Variants in ARHGAP18 observed in about 807,000 individuals in gnomAD.
ARHGAP18 encodes the protein Rho GTPase activating protein 18.
A neutral mutation model predicts 86.2 loss-of-function variants in ARHGAP18; 67 were observed. That is an observed-to-expected ratio of 0.78 (90% CI 0.64 to 0.95). ARHGAP18 has a LOEUF of 0.95. Among genes scored for constraint, ARHGAP18 ranks in the 40% least tolerant of loss-of-function variants. The pLI is 0.00. For missense variants in ARHGAP18, 691 were observed against 780.4 expected, an observed-to-expected ratio of 0.89 and a Z score of 1.37; for synonymous variants, 283 against 280.4, an observed-to-expected ratio of 1.01 and a Z score of -0.09.
At chr6:129,578,743 T>C (rs1268570952) in intron 14 of ARHGAP18, 139 bp from the exon 15 acceptor site, 2 of 579,528 alleles carry the variant, frequency 3.5e-6, no homozygotes, top group Non-Finnish European at 2.9e-6. Flanking sequence ...GTGGGCAGAT[T>C]GGTTGAGATC....
chr6:129,666,349 A>G (rs1246335665), intron 1 of ARHGAP18, among the ~76,000 whole-genome samples: 3 of 152,244 alleles, frequency 2.0e-5, no homozygotes, highest in African/African-American at 7.2e-5. Flanking sequence ...TAGCCACACC[A>G]CTAATGCAAT....
chr6:129,582,750 G>C (rs1788314575), intron 13 of ARHGAP18, among the ~76,000 whole-genome samples: 1 of 152,210 alleles, frequency 6.6e-6, no homozygotes. Flanking sequence ...ACTACCTTTG[G>C]AGGGAAACCA....
At chr6:129,661,409 A>G (rs992256047) in intron 1 of ARHGAP18, among the ~76,000 whole-genome samples, 2 of 151,500 alleles carry the variant, frequency 1.3e-5, no homozygotes, top group African/African-American at 4.8e-5. Flanking sequence ...ATATAAAAAT[A>G]TTAACAGTGG....
chr6:129,620,835 T>A (rs374420545), intron 5 of ARHGAP18, among the ~76,000 whole-genome samples: 13 of 152,350 alleles, frequency 8.5e-5, no homozygotes, highest in East Asian at 3.9e-4. Flanking sequence ...ACTATTTTAA[T>A]AATTAGTAAT....
chr6:129,627,207 T>C (rs1204033560), intron 5 of ARHGAP18, among the ~76,000 whole-genome samples: 1 of 152,218 alleles, frequency 6.6e-6, no homozygotes, highest in Middle Eastern at 3.4e-3. Context: ...GTGAAAACTG[T>C]TAATAAGTCA....
In ARHGAP18 at chr6:129,707,929, CAGCCAA is replaced by C. The variant is rs143336135; in HGVS notation, c.113+2089_113+2094del. On this transcript the variant is annotated intron_variant, in intron 1 of 14. Coordinates refer to ENST00000368149, the MANE Select transcript of ARHGAP18 (RefSeq NM_033515.3). ...GGCTTAAAACAACACCTGACCAACC[CAGCCAA>C]AGCCAAAGCCAAAGTCCAGTTCACC... 4.8e-3 allele frequency among the ~76,000 whole-genome samples: 723 copies of C among 152,146 alleles called. 4 individuals carry two copies. The highest frequency in any genetic ancestry group is 0.015 in the African/African-American group (635 of 41,508).
intron 1 of ARHGAP18, among the ~76,000 whole-genome samples, chr6:129,671,893 C>G (rs1200381145): frequency 6.6e-6 from 1 of 152,100 alleles, no homozygotes; most frequent in African/African-American, 2.4e-5. Flanking sequence ...GATGGGACAA[C>G]ATAAAACACC....
Position 129,605,898 on chromosome 6 carries a change from A to T in ARHGAP18, c.1344T>A (p.Asp448Glu), listed in dbSNP as rs755138072. 9.3e-6 allele frequency: 15 copies of T among 1,613,536 alleles called. No homozygotes were observed. The highest frequency in any genetic ancestry group is 1.2e-5 in the Non-Finnish European group (14 of 1,179,554). Residue 448 changes from aspartate (D) to glutamate (E), a missense_variant, in exon 10 of 15, where the codon GAT (aspartate) becomes GAA (glutamate). Transcript: ENST00000368149. ...TGACCTTCAGTGTGTCCCTGTTTGC[A>T]TCAGGTAGGAGGATGACAAGAAGGT... The part of the protein sequence containing the change: ...ALNLLVILLP[D>E]ANRDTLKALL...
chr6:129,607,288 T>C (rs759575709), intron 9 of ARHGAP18, among the ~76,000 whole-genome samples: 2 of 152,188 alleles, frequency 1.3e-5, no homozygotes, highest in African/African-American at 2.4e-5. Context: ...ATAAACCTTA[T>C]AAGATCTAGG....
chr6:129,592,473 A>C (rs1325316250), intron 12 of ARHGAP18, among the ~76,000 whole-genome samples: 2 of 152,202 alleles, frequency 1.3e-5, no homozygotes, highest in Non-Finnish European at 2.9e-5. Flanking sequence ...TTATTCTGGA[A>C]CTTTCAGCAA....
At chr6:129,664,144 G>A (rs995611224) in intron 1 of ARHGAP18, among the ~76,000 whole-genome samples, 1 of 152,236 alleles carries the variant, frequency 6.6e-6, no homozygotes, top group African/African-American at 2.4e-5. Context: ...TAATATTATG[G>A]GATTAAAATG....
At chr6:129,663,107 C>T (rs2114520788) in intron 1 of ARHGAP18, among the ~76,000 whole-genome samples, 1 of 152,240 alleles carries the variant, frequency 6.6e-6, no homozygotes, top group East Asian at 1.9e-4. Context: ...GCAACCCAGG[C>T]CATGTGGCCA....
At chr6:129,627,293 TA>T in intron 5 of ARHGAP18, among the ~76,000 whole-genome samples, 1 of 152,116 alleles carries the variant, frequency 6.6e-6, no homozygotes, top group East Asian at 1.9e-4. Context: ...TCCAAATTAA[TA>T]AATAAAAAGA....
At chr6:129,650,414 T>C (rs955688301) in intron 1 of ARHGAP18, among the ~76,000 whole-genome samples, 6 of 152,166 alleles carry the variant, frequency 3.9e-5, no homozygotes, top group African/African-American at 1.4e-4. Context: ...AATAGTAGAC[T>C]ATCACTGGCC....
At chr6:129,625,350 A>T (rs1257046903) in intron 5 of ARHGAP18, among the ~76,000 whole-genome samples, 9 of 69,522 alleles carry the variant, frequency 1.3e-4, no homozygotes, top group African/African-American at 6.1e-4. Context: ...TTTATATGTA[A>T]TATATATTAT....
At chr6:129,603,176 A>G (rs1475542198) in intron 10 of ARHGAP18, among the ~76,000 whole-genome samples, 1 of 151,898 alleles carries the variant, frequency 6.6e-6, no homozygotes, top group African/African-American at 2.4e-5. Flanking sequence ...CCAAAAGTCC[A>G]GTGTATCATT....
intron 5 of ARHGAP18, among the ~76,000 whole-genome samples, chr6:129,622,197 G>A (rs969326867): frequency 2.6e-5 from 4 of 152,132 alleles, no homozygotes; most frequent in South Asian, 2.1e-4. Flanking sequence ...CATTGGCTTC[G>A]TGTTCCCCTG....
At chr6:129,602,922 A>T (rs1166130002) in intron 10 of ARHGAP18, among the ~76,000 whole-genome samples, 11 of 151,884 alleles carry the variant, frequency 7.2e-5, no homozygotes, top group Non-Finnish European at 1.6e-4. Flanking sequence ...AATTAACGAG[A>T]TGTTAGCCCA....
At chr6:129,622,086 C>T (rs899016649) in intron 5 of ARHGAP18, among the ~76,000 whole-genome samples, 2 of 152,108 alleles carry the variant, frequency 1.3e-5, no homozygotes, top group Non-Finnish European at 2.9e-5. Flanking sequence ...GTACCACAGA[C>T]CTGACACACT....
Sources: gnomAD v4.1 joint callset for allele counts (sites outside exome capture counted in the v4.1 genomes callset) on GRCh38, gnomAD v4.1.1 for gene constraint, MANE v1.5 for transcripts, NCBI Gene and HGNC (gene_info 2026-07-23, HGNC 2026-07-21) for gene names.